Variants in RIC3 observed in about 807,000 individuals in gnomAD.
The protein encoded by RIC3 is protein RIC-3.
In RIC3, 28 loss-of-function variants were observed where a neutral mutation model predicts 27.3. The ratio of observed to expected loss-of-function variants is 1.02; its 90% CI spans 0.76 to 1.41. RIC3 has a LOEUF of 1.41. RIC3 is among the 40% of genes most tolerant of loss of function. The pLI, the probability that RIC3 is intolerant of heterozygous loss-of-function variation, is 0.00. For synonymous variants in RIC3, 184 were observed against 160.4 expected (o/e 1.15, Z -1.11); for missense variants, 501 against 444.7 (o/e 1.13, Z -1.14).
rs192641609 is a variant in RIC3 at position 8,158,953 on chromosome 11, G to A, written c.124+9913C>T. On this transcript the variant is annotated intron_variant, in intron 1 of 5. Transcript: ENST00000309737. ...TCACCATGTTGGCCAGGCTGGTCTT[G>A]AAATCCTGACCTTGTGATCCACCCG... Among the ~76,000 whole-genome samples, 947 of 150,526 alleles carry A rather than the reference G, an allele frequency of 6.3e-3. 19 individuals are homozygous for A. The highest frequency in any genetic ancestry group is 0.051 in the Admixed American group (762 of 15,088).
chr11:8,140,733 A>G (rs925462877), intron 1 of RIC3, among the ~76,000 whole-genome samples: 1 of 152,120 alleles, frequency 6.6e-6, no homozygotes, highest in Admixed American at 6.6e-5. Flanking sequence ...ATCAACTTCT[A>G]TTGTGTTAGG....
At chr11:8,119,531 T>C (rs1379616585) in intron 5 of RIC3, among the ~76,000 whole-genome samples, 1 of 152,174 alleles carries the variant, frequency 6.6e-6, no homozygotes, top group Non-Finnish European at 1.5e-5. Flanking sequence ...TTGCACCTTA[T>C]ACAAAAATTA....
Position 8,135,348 on chromosome 11 carries a change from G to A in RIC3, c.521+2030C>T, listed in dbSNP as rs1590207509. 2.6e-5 allele frequency among the ~76,000 whole-genome samples: 4 copies of A among 152,160 alleles called. No homozygotes were observed. In the South Asian group the frequency reaches 8.3e-4, roughly 32 times the overall value. ...TTCTGTTCCATTGGTCTATATCTCT[G>A]TTTTGGTACCAGTACCATGCTGTTT... On this transcript the variant is annotated intron_variant, in intron 4 of 5. Transcript: ENST00000309737.
chr11:8,126,243 T>C (rs949540573), intron 5 of RIC3, among the ~76,000 whole-genome samples: 4 of 152,194 alleles, frequency 2.6e-5, no homozygotes, highest in African/African-American at 7.2e-5. Context: ...GGTATAAGTA[T>C]ATAACTGACT....
chr11:8,094,028 G>A, the RIC3 span: 5 of 1,614,102 alleles, frequency 3.1e-6, no homozygotes, highest in Non-Finnish European at 4.2e-6. Flanking sequence ...TCTCCATCTG[G>A]GGATGTTTCC....
chr11:8,100,688 T>C, the RIC3 span: 404 of 1,480,516 alleles, frequency 2.7e-4, 3 homozygotes, highest in African/African-American at 5.7e-3. Context: ...CTGATGTGTG[T>C]ATGTGGAGGG....
chr11:8,138,127 C>T (rs1948620659), intron 3 of RIC3, 145 bp downstream of exon 3: 1 of 572,782 alleles, frequency 1.7e-6, no homozygotes, highest in South Asian at 3.3e-5. Context: ...TTTGAGAATT[C>T]CCAGAACTAA....
intron 1 of RIC3, among the ~76,000 whole-genome samples, chr11:8,147,724 A>ATTTTTTTT (rs900780947): frequency 8.0e-6 from 1 of 124,528 alleles, no homozygotes. Context: ...CTTGCGTAAG[A>ATTTTTTTT]TTTTTTTTTT....
the RIC3 span, among the ~76,000 whole-genome samples, chr11:8,096,279 A>G: frequency 3.3e-5 from 5 of 152,228 alleles, no homozygotes; most frequent in Admixed American, 1.3e-4. Flanking sequence ...TCCGTGGTCT[A>G]TGCCAGCCAA....
chr11:8,153,908 C>G (rs1950454209), intron 1 of RIC3, among the ~76,000 whole-genome samples: 1 of 152,166 alleles, frequency 6.6e-6, no homozygotes, highest in Admixed American at 6.5e-5. Context: ...ACCTGTGACA[C>G]TTAAGACGGT....
downstream of RIC3, chr11:8,102,319 A>T (rs540880747): frequency 6.6e-6 from 1 of 152,118 alleles, no homozygotes; most frequent in African/African-American, 2.4e-5. Flanking sequence ...TGTGTCTCAC[A>T]GAGGCAGTAG....
At chr11:8,152,691 A>G (rs1950344015) in intron 1 of RIC3, among the ~76,000 whole-genome samples, 1 of 152,198 alleles carries the variant, frequency 6.6e-6, no homozygotes, top group African/African-American at 2.4e-5. Flanking sequence ...GAATATACTA[A>G]AAACTACAGT....
the RIC3 span, chr11:8,096,891 G>C: frequency 6.7e-7 from 1 of 1,497,500 alleles, no homozygotes; most frequent in East Asian, 2.3e-5. Flanking sequence ...AGATGGACTC[G>C]TATGCCTTTA....
intron 2 of RIC3, chr11:8,139,636 ATTTTTTTT>A (rs72265360): frequency 5.4e-5 from 5 of 92,724 alleles, no homozygotes; most frequent in East Asian, 3.4e-4. Context: ...AAAGATGTTA[ATTTTTTTT>A]TTTTTTTTTT....
chr11:8,154,084 T>C (rs1182365347), intron 1 of RIC3, among the ~76,000 whole-genome samples: 1 of 152,192 alleles, frequency 6.6e-6, no homozygotes, highest in Non-Finnish European at 1.5e-5. Flanking sequence ...CATTTGGAAA[T>C]TTCTAGTGGG....
At chr11:8,141,194 A>G (rs1217401432) in intron 1 of RIC3, among the ~76,000 whole-genome samples, 1 of 151,974 alleles carries the variant, frequency 6.6e-6, no homozygotes, top group Non-Finnish European at 1.5e-5. Flanking sequence ...CTAACTTTAA[A>G]TGTAAATGGA....
At position 8,111,118 on chromosome 11, in the gene RIC3, G is replaced by C; in HGVS notation, c.690C>G (p.Tyr230Ter). 1 of 1,603,688 alleles carries C rather than the reference G, an allele frequency of 6.2e-7. No homozygotes were observed. The highest frequency in any genetic ancestry group is 8.5e-7 in the Non-Finnish European group (1 of 1,171,960). ...TACAGTCTGAAAGGTCATAAATTGG[G>C]TAAGTCTCTTCAGGGTAACCTAGAG... is the stretch of plus-strand genomic sequence containing the variant. ...EDWEGYPEET[Y>*]PIYDLSDCIK... The change falls in exon 6 of 6, where the codon TAC (tyrosine) becomes TAG (stop). Residue 230 changes from tyrosine to a stop codon, truncating the protein, a stop_gained. Coordinates refer to ENST00000309737, the MANE Select transcript of RIC3 (RefSeq NM_001206671.4). LOFTEE classifies it low-confidence loss of function (END_TRUNC).
the RIC3 span, among the ~76,000 whole-genome samples, chr11:8,099,513 G>A: frequency 1.3e-5 from 2 of 152,174 alleles, no homozygotes; most frequent in African/African-American, 4.8e-5. Context: ...CAGTTTTGGG[G>A]AGGCAGCCTG....
chr11:8,097,236 C>A, the RIC3 span: 1 of 1,614,088 alleles, frequency 6.2e-7, no homozygotes, highest in South Asian at 1.1e-5. Context: ...AGGAGGCAGC[C>A]TCAGCCCCTA....
Sources: gnomAD v4.1 joint callset for allele counts (sites outside exome capture counted in the v4.1 genomes callset) on GRCh38, gnomAD v4.1.1 for gene constraint, MANE v1.5 for transcripts, NCBI Gene and HGNC (gene_info 2026-07-23, HGNC 2026-07-21) for gene names.